Variants in RIMKLB observed in about 807,000 individuals in gnomAD.
The protein encoded by RIMKLB is ribosomal modification protein rimK like family member B.
A neutral mutation model predicts 32.0 loss-of-function variants in RIMKLB; 7 were observed. The observed-to-expected ratio is 0.22, with a 90% confidence interval of 0.12 to 0.41. The LOEUF is 0.41. RIMKLB is among the 10% of genes least tolerant of loss of function. RIMKLB has a pLI of 1.00. For missense variants in RIMKLB, 289 were observed against 498.7 expected, an observed-to-expected ratio of 0.58 and a Z score of 4.00; for synonymous variants, 172 against 185.1, an observed-to-expected ratio of 0.93 and a Z score of 0.57.
chr12:8,687,116 G>A (rs775892424), intron 1 of RIMKLB, among the ~76,000 whole-genome samples: 2 of 152,234 alleles, frequency 1.3e-5, no homozygotes, highest in East Asian at 1.9e-4. Context: ...TGAATCCCCC[G>A]AGGGCATGAT....
intron 1 of RIMKLB, among the ~76,000 whole-genome samples, chr12:8,706,464 TCCTGAGACTGAG>T (rs1943890973): frequency 1.4e-5 from 2 of 147,636 alleles, no homozygotes; most frequent in African/African-American, 5.1e-5. Context: ...TTTTTTTTTT[TCCTGAGACTGAG>T]TTTCGCTCTT....
chr12:8,733,654 T>G (rs911898340), intron 2 of RIMKLB, among the ~76,000 whole-genome samples: 1 of 152,110 alleles, frequency 6.6e-6, no homozygotes, highest in Non-Finnish European at 1.5e-5. Flanking sequence ...AGGAAGATCA[T>G]GTGAGGCCAG....
intron 5 of RIMKLB, among the ~76,000 whole-genome samples, chr12:8,767,560 C>T (rs1388940619): frequency 2.0e-5 from 3 of 152,116 alleles, no homozygotes; most frequent in African/African-American, 4.8e-5. Context: ...GTGGTCGGGA[C>T]CCAGAAGCTA....
chr12:8,756,751 G>T (rs1377953102), intron 5 of RIMKLB, among the ~76,000 whole-genome samples: 1 of 143,426 alleles, frequency 7.0e-6, no homozygotes, highest in African/African-American at 2.6e-5. Flanking sequence ...AAGTACGGTG[G>T]TGTGATCTCA....
At chr12:8,749,219 A>ATTTT (rs34847350) in intron 2 of RIMKLB, among the ~76,000 whole-genome samples, 4 of 141,048 alleles carry the variant, frequency 2.8e-5, no homozygotes, top group African/African-American at 5.2e-5. Context: ...AACCACTTAG[A>ATTTT]TTTTTTTTTT....
At chr12:8,672,651 C>T in the RIMKLB span, among the ~76,000 whole-genome samples, 1 of 151,982 alleles carries the variant, frequency 6.6e-6, no homozygotes, top group African/African-American at 2.4e-5. Context: ...TCCCATGACA[C>T]ATGGGAATTC....
intron 2 of RIMKLB, 123 bp from the exon 3 acceptor site, chr12:8,749,739 C>T: frequency 4.7e-5 from 30 of 644,080 alleles, no homozygotes; most frequent in South Asian, 1.2e-4. Context: ...TATCTCTATC[C>T]CAATTTAATA....
At chr12:8,762,627 G>C (rs925838005) in intron 5 of RIMKLB, among the ~76,000 whole-genome samples, 1 of 152,146 alleles carries the variant, frequency 6.6e-6, no homozygotes, top group African/African-American at 2.4e-5. Flanking sequence ...CCATATTGCT[G>C]CGTGGTCATG....
intron 2 of RIMKLB, among the ~76,000 whole-genome samples, chr12:8,744,124 C>T (rs1038502496): frequency 6.6e-6 from 1 of 151,914 alleles, no homozygotes; most frequent in Admixed American, 6.6e-5. Context: ...AGCTCTACGT[C>T]AAAGGCATGA....
chr12:8,729,697 G>A (rs757423189), intron 2 of RIMKLB, among the ~76,000 whole-genome samples: 4 of 152,138 alleles, frequency 2.6e-5, no homozygotes, highest in Non-Finnish European at 5.9e-5. Flanking sequence ...GAATTTCCCT[G>A]CCTCCTGTCC....
At chr12:8,758,261 CTCTTTT>C (rs745973677) in intron 5 of RIMKLB, among the ~76,000 whole-genome samples, 11 of 150,994 alleles carry the variant, frequency 7.3e-5, no homozygotes, top group Admixed American at 6.6e-4. Flanking sequence ...GATCTGCAGG[CTCTTTT>C]TCTTTTTTTC....
chr12:8,726,958 C>T (rs1946071689), intron 2 of RIMKLB, among the ~76,000 whole-genome samples: 1 of 152,090 alleles, frequency 6.6e-6, no homozygotes, highest in South Asian at 2.1e-4. Flanking sequence ...CCTTTCTTGG[C>T]ATTTCATTTA....
the RIMKLB span, among the ~76,000 whole-genome samples, chr12:8,676,350 A>G: frequency 1.2e-3 from 152 of 128,734 alleles, no homozygotes; most frequent in Non-Finnish European, 2.2e-3. Flanking sequence ...CTAGGATTAT[A>G]GGAGTGAGCC....
chr12:8,714,287 G>A (rs986324419), intron 2 of RIMKLB: 6 of 343,064 alleles, frequency 1.7e-5, no homozygotes, highest in Non-Finnish European at 2.7e-5. Flanking sequence ...CAAAGTAGGC[G>A]CATATCTGTA....
chr12:8,718,667 ATATGTGTGTGTGTGTGTGTGTGTGTG>A (rs1393696722), intron 2 of RIMKLB, among the ~76,000 whole-genome samples: 3 of 132,670 alleles, frequency 2.3e-5, no homozygotes, highest in Admixed American at 2.2e-4. Context: ...ATATATATAT[ATATGTGTGTGTGTGTGTGTGTGTGTG>A]TGTGTGTGTG....
At chr12:8,762,883 G>A (rs1224693242) in intron 5 of RIMKLB, among the ~76,000 whole-genome samples, 1 of 152,142 alleles carries the variant, frequency 6.6e-6, no homozygotes, top group Non-Finnish European at 1.5e-5. Flanking sequence ...CCTCTAGAAG[G>A]TCCCCTTAAG....
At position 8,775,901 on chromosome 12, in the gene RIMKLB, T is replaced by C; in HGVS notation, c.*2117T>C. 1.0e-6 allele frequency: 1 copy of C among 985,182 alleles called. No individual in the cohort carries two copies. Among genetic ancestry groups the C allele is most frequent in the Non-Finnish European group, 1.2e-6 (1 of 829,704 alleles). 61.0% of individuals were successfully genotyped at this position (985,182 alleles called of 1,614,324 possible). A position where few individuals can be genotyped will look rare whatever the true frequency, so the allele number is the denominator to read the frequency against. ...TGGGGGACTCACATACATATATTAA[T>C]ACCTCTGACTCATTAACAGAAAGAA... On this transcript the variant is annotated 3_prime_UTR_variant, in exon 6 of 6. Transcript: ENST00000535829.
intron 2 of RIMKLB, among the ~76,000 whole-genome samples, chr12:8,721,359 T>G: frequency 6.6e-6 from 1 of 152,250 alleles, no homozygotes; most frequent in Non-Finnish European, 1.5e-5. Flanking sequence ...ACCGAATTTC[T>G]TTCAAAATTG....
chr12:8,767,067 G>A (rs1207344016), intron 5 of RIMKLB, among the ~76,000 whole-genome samples: 1 of 152,250 alleles, frequency 6.6e-6, no homozygotes, highest in East Asian at 1.9e-4. Flanking sequence ...GTGTTTTCGG[G>A]CTACGCCCTT....
Sources: allele counts gnomAD v4.1 joint callset (sites outside exome capture counted in the v4.1 genomes callset), GRCh38; gene constraint gnomAD v4.1.1; transcripts MANE v1.5; gene names NCBI Gene and HGNC (gene_info 2026-07-23, HGNC 2026-07-21).